Variants in AATK observed in about 807,000 individuals in gnomAD.
AATK encodes the protein serine/threonine-protein kinase LMTK1.
A neutral mutation model predicts 114.3 loss-of-function variants in AATK; 91 were observed. The ratio of observed to expected loss-of-function variants is 0.80; its 90% CI spans 0.67 to 0.95. The LOEUF is 0.95. Ranked by LOEUF, AATK falls within the 40% of genes least tolerant of loss-of-function variation. The pLI is 0.00. For missense variants in AATK, 2,176 were observed against 1,965.2 expected (o/e 1.11, Z -2.03); for synonymous variants, 1,075 against 916.5 (o/e 1.17, Z -3.12).
At chr17:81,127,137 A>C (rs1399316120) in intron 6 of AATK, among the ~76,000 whole-genome samples, 3 of 107,358 alleles carry the variant, frequency 2.8e-5, no homozygotes, top group African/African-American at 7.0e-5. Flanking sequence ...GGAGGGGGGG[A>C]CAGGTCCCCG....
intron 1 of AATK, among the ~76,000 whole-genome samples, chr17:81,139,545 G>A (rs2061091297): frequency 1.3e-5 from 2 of 152,248 alleles, no homozygotes; most frequent in African/African-American, 4.8e-5. Flanking sequence ...GCTCTTCCAA[G>A]CCCGGCCCTC....
intron 1 of AATK, chr17:81,160,180 A>G: frequency 1.2e-6 from 1 of 852,226 alleles, no homozygotes; most frequent in Non-Finnish European, 1.4e-6. Flanking sequence ...CACGGCCCCC[A>G]CCCCCAGGCT....
intron 1 of AATK, among the ~76,000 whole-genome samples, chr17:81,144,459 G>C (rs920146691): frequency 1.3e-5 from 2 of 152,228 alleles, no homozygotes; most frequent in Non-Finnish European, 2.9e-5. Context: ...TGGCCGAGAG[G>C]ACACAGTGGC....
intron 10 of AATK, 77 bp downstream of exon 10, chr17:81,123,117 G>A: frequency 7.3e-7 from 1 of 1,361,410 alleles, no homozygotes; most frequent in East Asian, 3.0e-5. Context: ...AGGGGGTCAG[G>A]GTGAGCCGCC....
chr17:81,149,874 G>A (rs1295813164), intron 1 of AATK, among the ~76,000 whole-genome samples: 2 of 152,194 alleles, frequency 1.3e-5, no homozygotes, highest in Non-Finnish European at 2.9e-5. Flanking sequence ...CAGTCTACCT[G>A]GAGGGGCATG....
rs1365262552 is a variant in AATK, at chr17:81,120,922, G to A, written c.3014C>T (p.Ala1005Val). ...CTTCTCTGGGCCTGAGGTGGCCTCG[G>A]CCTCAGCCTCGAGGTCTGAGAAGTA... ...SAYFSDLEAEAEATSGPEKKC... is the reference protein window; with the variant it reads ...SAYFSDLEAEVEATSGPEKKC... Residue 1005 changes from alanine to valine, a missense_variant, in exon 11 of 14, where the codon GCC becomes GTC. Around this residue, in one of 4 missense-constraint regions of AATK, gnomAD observed 1,701 missense variants for 1,394.7 expected, o/e 1.22. Transcript: ENST00000326724. 4.4e-6 allele frequency: 7 copies of A among 1,600,418 alleles called. No individual in the cohort carries two copies. Among genetic ancestry groups the A allele is most frequent in the Non-Finnish European group, 6.0e-6 (7 of 1,174,182 alleles).
chr17:81,155,536 C>T (rs953246720), intron 1 of AATK, among the ~76,000 whole-genome samples: 5 of 152,116 alleles, frequency 3.3e-5, no homozygotes, highest in African/African-American at 1.2e-4. Flanking sequence ...CAGATGCCCG[C>T]CACCATGCCT....
intron 1 of AATK, 150 bp downstream of exon 1, chr17:81,165,788 G>C: frequency 2.7e-6 from 4 of 1,504,216 alleles, no homozygotes; most frequent in Non-Finnish European, 3.6e-6. Context: ...CGAGATCTGG[G>C]GCCGCCAGGG....
At chr17:81,141,624 A>C (rs1329162682) in intron 1 of AATK, among the ~76,000 whole-genome samples, 1 of 152,206 alleles carries the variant, frequency 6.6e-6, no homozygotes, top group Non-Finnish European at 1.5e-5. Flanking sequence ...CCTGGGACAC[A>C]AGACAGGCCC....
chr17:81,138,021 T>C (rs1382429605), intron 1 of AATK, among the ~76,000 whole-genome samples: 1 of 140,186 alleles, frequency 7.1e-6, no homozygotes, highest in African/African-American at 2.7e-5. Flanking sequence ...CGCACCCACA[T>C]GCACGCAAAC....
intron 1 of AATK, among the ~76,000 whole-genome samples, chr17:81,151,048 C>T (rs1392954237): frequency 1.3e-5 from 2 of 152,138 alleles, no homozygotes; most frequent in Admixed American, 1.3e-4. Flanking sequence ...GTTCCTGGGA[C>T]AGGAGAAGGG....
At chr17:81,149,173 C>T (rs1047081702) in intron 1 of AATK, among the ~76,000 whole-genome samples, 16 of 152,128 alleles carry the variant, frequency 1.1e-4, no homozygotes, top group Non-Finnish European at 2.1e-4. Flanking sequence ...CTCCATTGTC[C>T]GCAGCCCACC....
intron 1 of AATK, among the ~76,000 whole-genome samples, chr17:81,161,548 T>C (rs1264387369): frequency 6.6e-6 from 1 of 152,084 alleles, no homozygotes; most frequent in African/African-American, 2.4e-5. Context: ...GGAGCACAGT[T>C]CCCAGGCGGC....
intron 10 of AATK, 34 bp from the exon 11 acceptor site, chr17:81,122,857 G>A: frequency 7.1e-7 from 1 of 1,418,224 alleles, no homozygotes; most frequent in Non-Finnish European, 9.3e-7. Flanking sequence ...CACGTCAGAG[G>A]CAACGCTGGC....
Position 81,118,453 on chromosome 17 carries a change from G to A in AATK, c.4085-11C>T. ...CACCAGCTTCAGGTCCTGGCAAGCA[G>A]GACAACAAAGTGAACACAGGGTTCT... On this transcript the variant is annotated splice_polypyrimidine_tract_variant and intron_variant, in intron 13 of 13. Coordinates refer to ENST00000326724, the MANE Select transcript of AATK (RefSeq NM_001080395.3). 2 of 1,605,134 alleles carry A rather than the reference G, an allele frequency of 1.2e-6. No individual in the cohort carries two copies. The highest frequency in any genetic ancestry group is 1.7e-6 in the Non-Finnish European group (2 of 1,176,714).
intron 1 of AATK, among the ~76,000 whole-genome samples, chr17:81,156,639 C>T (rs985547344): frequency 3.9e-5 from 6 of 152,194 alleles, no homozygotes; most frequent in Admixed American, 1.3e-4. Context: ...CCTGGTGATC[C>T]GCCTGCCTTG....
chr17:81,124,719 G>A lies in AATK; in HGVS notation c.962+8C>T, dbSNP rs116038548. ...GGCCCCTCACGGTGCCACCAGGGCC[G>A]CACTCACCACACATTCCCGCTCTTG... On this transcript the variant is annotated splice_region_variant and intron_variant, in intron 9 of 13. Coordinates refer to ENST00000326724, the MANE Select transcript of AATK (RefSeq NM_001080395.3). 1,174 of 1,612,204 alleles carry A rather than the reference G, an allele frequency of 7.3e-4. 9 individuals carry two copies. The African/African-American group carries it at 0.013, about 18-fold the overall frequency.
intron 1 of AATK, among the ~76,000 whole-genome samples, chr17:81,143,465 C>T (rs1017325073): frequency 1.3e-4 from 13 of 102,210 alleles, no homozygotes; most frequent in African/African-American, 4.7e-4. Context: ...GCAGCCCCCA[C>T]CCCTTGTGTC....
At chr17:81,127,936 G>C in intron 4 of AATK, 26 bp from the exon 5 acceptor site, 1 of 1,547,396 alleles carries the variant, frequency 6.5e-7, no homozygotes, top group Non-Finnish European at 8.7e-7. Context: ...CATCACCCAC[G>C]GCTGCTCCGC....
Sources: allele counts gnomAD v4.1 joint callset (sites outside exome capture counted in the v4.1 genomes callset), GRCh38; gene constraint gnomAD v4.1.1; regional missense constraint gnomAD v4.1.1; transcripts MANE v1.5; gene names NCBI Gene and HGNC (gene_info 2026-07-23, HGNC 2026-07-21).